Variants in MCCC1 observed in about 807,000 individuals in gnomAD.
MCCC1 encodes the protein methylcrotonoyl-CoA carboxylase subunit alpha, mitochondrial.
MCCC1 carries 64 observed loss-of-function variants against 83.8 expected under a neutral mutation model. The observed-to-expected ratio is 0.76, with a 90% CI of 0.62 to 0.94. The LOEUF is 0.94. Ranked by LOEUF, MCCC1 falls within the 40% of genes least tolerant of loss-of-function variation. The probability of loss-of-function intolerance (pLI) is 0.00; values close to 1 mark genes in which losing one functional copy is unlikely to be tolerated. For synonymous variants in MCCC1, 322 were observed against 315.4 expected, an observed-to-expected ratio of 1.02 and a Z score of -0.22; for missense variants, 807 against 904.7, an observed-to-expected ratio of 0.89 and a Z score of 1.39.
chr3:183,023,650 A>T (rs1450222865), intron 15 of MCCC1, among the ~76,000 whole-genome samples: 1 of 152,188 alleles, frequency 6.6e-6, no homozygotes, highest in Non-Finnish European at 1.5e-5. Flanking sequence ...ACAGAAAGAA[A>T]ATCAATGTGT....
chr3:183,020,886 C>A (rs1455232495), intron 16 of MCCC1, among the ~76,000 whole-genome samples: 1 of 152,088 alleles, frequency 6.6e-6, no homozygotes, highest in East Asian at 1.9e-4. Context: ...GGTGAAACCC[C>A]ATCTCTACTA....
intron 3 of MCCC1, among the ~76,000 whole-genome samples, chr3:183,090,281 A>C (rs1577358750): frequency 6.6e-6 from 1 of 152,224 alleles, no homozygotes; most frequent in South Asian, 2.1e-4. Context: ...TCAGCCCTGG[A>C]GACTCCACTG....
chr3:183,042,204 C>T (rs1714147276), intron 10 of MCCC1, among the ~76,000 whole-genome samples: 1 of 152,122 alleles, frequency 6.6e-6, no homozygotes, highest in Non-Finnish European at 1.5e-5. Flanking sequence ...TCATCCTACG[C>T]TGTAATCTTC....
chr3:183,031,869 A>G (rs1713111021), intron 14 of MCCC1, among the ~76,000 whole-genome samples: 6 of 146,848 alleles, frequency 4.1e-5, no homozygotes, highest in South Asian at 4.3e-4. Context: ...GGATCTCACT[A>G]TGTCACCTAG....
At chr3:183,016,463 T>C (rs1405038980) in intron 18 of MCCC1, among the ~76,000 whole-genome samples, 1 of 150,884 alleles carries the variant, frequency 6.6e-6, no homozygotes, top group Non-Finnish European at 1.5e-5. Flanking sequence ...ACTCCTGACC[T>C]CAAATGATCC....
chr3:183,056,398 A>G (rs898290559), intron 8 of MCCC1, among the ~76,000 whole-genome samples: 2 of 152,210 alleles, frequency 1.3e-5, no homozygotes, highest in African/African-American at 4.8e-5. Context: ...TGGCAGTAGC[A>G]ACCTCCACAG....
intron 13 of MCCC1, among the ~76,000 whole-genome samples, chr3:183,035,050 A>AT (rs1713453184): frequency 6.6e-6 from 1 of 152,132 alleles, no homozygotes; most frequent in African/African-American, 2.4e-5. Context: ...AAGTGTTGGG[A>AT]TTACAGGCAT....
chr3:183,033,623 T>C (rs4859266), intron 14 of MCCC1, among the ~76,000 whole-genome samples: 136,788 of 152,146 alleles, frequency 0.9, 61,807 homozygotes, highest in East Asian at 1. Context: ...AAGTAATACA[T>C]TCTCGCTGCA....
chr3:183,090,693 G>A (rs1035563367), intron 3 of MCCC1, among the ~76,000 whole-genome samples: 2 of 151,808 alleles, frequency 1.3e-5, no homozygotes, highest in African/African-American at 2.4e-5. Flanking sequence ...GGGTTCAAGC[G>A]ATTCTCCTGC....
At chr3:183,040,593 T>C (rs1281623586) in intron 11 of MCCC1, among the ~76,000 whole-genome samples, 1 of 148,486 alleles carries the variant, frequency 6.7e-6, no homozygotes, top group Non-Finnish European at 1.5e-5. Context: ...CATGGTGGTA[T>C]ACACCTGTAA....
chr3:183,044,621 T>C (rs763363021), intron 10 of MCCC1, among the ~76,000 whole-genome samples: 9 of 152,174 alleles, frequency 5.9e-5, no homozygotes, highest in East Asian at 1.9e-4. Context: ...AACCGAATGA[T>C]GGCCTGGCCC....
chr3:183,047,033 G>A (rs1274349313), intron 9 of MCCC1, among the ~76,000 whole-genome samples: 1 of 152,186 alleles, frequency 6.6e-6, no homozygotes, highest in African/African-American at 2.4e-5. Flanking sequence ...AGCTCTACCA[G>A]GTCTTCACAG....
At chr3:183,052,666 C>T (rs1715072367) in intron 8 of MCCC1, among the ~76,000 whole-genome samples, 1 of 105,454 alleles carries the variant, frequency 9.5e-6, no homozygotes, top group Middle Eastern at 5.0e-3. Flanking sequence ...GAAAATTAGC[C>T]AGGCATGGTG....
At chr3:183,105,689 G>T (rs1316677389) in intron 1 of MCCC1, among the ~76,000 whole-genome samples, 1 of 151,686 alleles carries the variant, frequency 6.6e-6, no homozygotes, top group Non-Finnish European at 1.5e-5. Context: ...GTCACTAATG[G>T]TAAAAAAGAA....
intron 13 of MCCC1, among the ~76,000 whole-genome samples, chr3:183,035,219 T>A (rs1323121586): frequency 6.6e-6 from 1 of 152,184 alleles, no homozygotes; most frequent in African/African-American, 2.4e-5. Context: ...AAGACAACGT[T>A]CCATTCTAAA....
chr3:183,093,889 GT>G lies in MCCC1; in HGVS notation c.136+669del, dbSNP rs60790783. Among the ~76,000 whole-genome samples, 712 of 152,162 alleles carry G rather than the reference GT, an allele frequency of 4.7e-3. 5 individuals are homozygous for G. The highest frequency in any genetic ancestry group is 0.016 in the African/African-American group (676 of 41,530). On this transcript the variant is annotated intron_variant, in intron 2 of 18. Transcript: ENST00000265594. Reference sequence around the variant, plus strand: ...TGTTAAATTTTATTTGGAAAAAAAGGTTTTGCTACTTAAAATAGCTTTTTCA... The same window carrying G: ...TGTTAAATTTTATTTGGAAAAAAAGGTTTGCTACTTAAAATAGCTTTTTCA...
chr3:183,107,333 A>AGGAGGT (rs1397538133), intron 1 of MCCC1, among the ~76,000 whole-genome samples: 1 of 151,302 alleles, frequency 6.6e-6, no homozygotes, highest in Non-Finnish European at 1.5e-5. Context: ...GCTTGAACCC[A>AGGAGGT]GGAGGTGGAG....
chr3:183,032,976 G>A (rs1273279878), intron 14 of MCCC1, among the ~76,000 whole-genome samples: 1 of 152,178 alleles, frequency 6.6e-6, no homozygotes, highest in East Asian at 1.9e-4. Flanking sequence ...TGATCAGCTG[G>A]TGAAAGTATT....
At chr3:183,069,782 A>G (rs1716520442) in intron 7 of MCCC1, among the ~76,000 whole-genome samples, 1 of 152,226 alleles carries the variant, frequency 6.6e-6, no homozygotes, top group Non-Finnish European at 1.5e-5. Context: ...TGTCATAAAA[A>G]TCTATGAAAT....
Sources: allele counts gnomAD v4.1 joint callset (sites outside exome capture counted in the v4.1 genomes callset), GRCh38; gene constraint gnomAD v4.1.1; transcripts MANE v1.5; gene names NCBI Gene and HGNC (gene_info 2026-07-23, HGNC 2026-07-21).